The following MED13L variants were observed in gnomAD, a reference collection of about 807,000 sequenced individuals.
MED13L encodes mediator complex subunit 13L.
In MED13L, 7 loss-of-function variants were observed where a neutral mutation model predicts 220.9. That is an observed-to-expected ratio of 0.03 (90% CI 0.02 to 0.06). MED13L has a LOEUF of 0.06. Among genes scored for constraint, MED13L ranks in the 10% least tolerant of loss-of-function variants. The pLI is 1.00. For missense variants in MED13L, 1,965 were observed against 2,760.5 expected (o/e 0.71, Z 6.46); for synonymous variants, 1,011 against 1,015.2 (o/e 1.00, Z 0.08).
rs1428087689 is a variant in MED13L at position 116,104,097 on chromosome 12, G to A, written c.395+7331C>T. On this transcript the variant is annotated intron_variant, in intron 3 of 30. Transcript: ENST00000281928. ...ACGGTCTTGGCTCACTGCAACCTCCGCCTCCCAGGTTCAAGTGATTCTCCT... is the reference window on the plus strand; with the variant it reads ...ACGGTCTTGGCTCACTGCAACCTCCACCTCCCAGGTTCAAGTGATTCTCCT... 5.5e-5 allele frequency among the ~76,000 whole-genome samples: 7 copies of A among 127,934 alleles called. No individual in the cohort carries two copies. In the East Asian group the frequency reaches 1.1e-3, roughly 20 times the overall value. 83.9% of individuals were successfully genotyped at this position (127,934 alleles called of 152,430 possible).
chr12:116,066,593 A>C (rs777698615), intron 4 of MED13L, among the ~76,000 whole-genome samples: 1 of 152,126 alleles, frequency 6.6e-6, no homozygotes, highest in Admixed American at 6.6e-5. Context: ...AATCTAATAT[A>C]TACTTCTATA....
At chr12:115,965,086 T>G (rs1041148957) in intron 29 of MED13L, among the ~76,000 whole-genome samples, 6 of 152,246 alleles carry the variant, frequency 3.9e-5, no homozygotes, top group Non-Finnish European at 7.3e-5. Flanking sequence ...ATTGCTTCAC[T>G]GTCTAATAAG....
chr12:115,988,441 T>C (rs543169911), intron 17 of MED13L, among the ~76,000 whole-genome samples: 11 of 152,326 alleles, frequency 7.2e-5, no homozygotes, highest in Admixed American at 4.6e-4. Context: ...TTCCCTGCTG[T>C]CTGTCCTGAG....
At chr12:116,188,755 C>A (rs1008382162) in intron 2 of MED13L, among the ~76,000 whole-genome samples, 1 of 152,126 alleles carries the variant, frequency 6.6e-6, no homozygotes, top group East Asian at 1.9e-4. Context: ...CCCTCCTAAA[C>A]CCCGACAACT....
intron 4 of MED13L, among the ~76,000 whole-genome samples, chr12:116,066,545 C>T (rs1311963535): frequency 6.6e-6 from 1 of 152,108 alleles, no homozygotes; most frequent in Non-Finnish European, 1.5e-5. Flanking sequence ...AGCATTTTAT[C>T]TACTTTCAAT....
chr12:116,046,557 TAAAG>T (rs1337039208), intron 4 of MED13L, among the ~76,000 whole-genome samples: 2 of 152,214 alleles, frequency 1.3e-5, no homozygotes, highest in African/African-American at 4.8e-5. Flanking sequence ...TATAATTAAA[TAAAG>T]ATATTTGCTT....
chr12:116,191,531 T>C (rs935397770), intron 2 of MED13L, among the ~76,000 whole-genome samples: 24 of 152,052 alleles, frequency 1.6e-4, no homozygotes, highest in African/African-American at 5.8e-4. Context: ...GGTTTCACCA[T>C]GTTGGCCAGG....
chr12:116,141,413 CA>C (rs1877062535), intron 2 of MED13L, among the ~76,000 whole-genome samples: 1 of 151,994 alleles, frequency 6.6e-6, no homozygotes, highest in South Asian at 2.1e-4. Context: ...ATAAAATATA[CA>C]AAACGAACTG....
chr12:115,978,375 G>A (rs1295439825), intron 23 of MED13L, among the ~76,000 whole-genome samples: 1 of 143,026 alleles, frequency 7.0e-6, no homozygotes, highest in African/African-American at 2.7e-5. Flanking sequence ...CGCCGAGACT[G>A]GAGTGCAGTG....
chr12:115,963,549 C>CTT, intron 29 of MED13L, 30 bp from the exon 30 acceptor site: 8 of 1,515,754 alleles, frequency 5.3e-6, no homozygotes, highest in Non-Finnish European at 6.4e-6. Context: ...AGTTACCTCT[C>CTT]TGGTCTAGAC....
chr12:116,107,012 C>A (rs1366877709), intron 3 of MED13L, among the ~76,000 whole-genome samples: 3 of 152,232 alleles, frequency 2.0e-5, no homozygotes, highest in South Asian at 4.1e-4. Flanking sequence ...TGAGCTCTTA[C>A]AATGAGAAAG....
At chr12:116,258,157 T>C (rs773283588) in intron 1 of MED13L, among the ~76,000 whole-genome samples, 8 of 152,198 alleles carry the variant, frequency 5.3e-5, no homozygotes, top group Non-Finnish European at 1.2e-4. Flanking sequence ...TAAAAGAATT[T>C]AGATAGAAGA....
chr12:116,110,400 G>A (rs1437768211), intron 3 of MED13L: 4 of 150,944 alleles, frequency 2.6e-5, no homozygotes, highest in African/African-American at 7.4e-5. Context: ...GAAATAAAAT[G>A]CAAGAAAATG....
intron 2 of MED13L, among the ~76,000 whole-genome samples, chr12:116,204,789 T>C (rs1882212585): frequency 6.6e-6 from 1 of 152,256 alleles, no homozygotes; most frequent in African/African-American, 2.4e-5. Context: ...GATATAGAGA[T>C]ACTTAGGTAT....
At chr12:115,967,170 CAA>C (rs34377158) in intron 28 of MED13L, among the ~76,000 whole-genome samples, 195 of 45,192 alleles carry the variant, frequency 4.3e-3, no homozygotes, top group African/African-American at 0.018. Flanking sequence ...GACTCTGTCT[CAA>C]AAAAAAAAAA....
At chr12:116,072,743 G>C (rs1039276029) in intron 4 of MED13L, among the ~76,000 whole-genome samples, 8 of 152,212 alleles carry the variant, frequency 5.3e-5, no homozygotes, top group African/African-American at 1.9e-4. Context: ...TTAACTGAGA[G>C]GCAGTACAGA....
intron 2 of MED13L, among the ~76,000 whole-genome samples, chr12:116,179,912 G>GT (rs1234902765): frequency 6.6e-6 from 1 of 152,112 alleles, no homozygotes; most frequent in Admixed American, 6.5e-5. Context: ...AGGAGTGTAA[G>GT]TAACTACCTG....
chr12:116,204,486 A>G (rs928404800), intron 2 of MED13L, among the ~76,000 whole-genome samples: 1 of 152,136 alleles, frequency 6.6e-6, no homozygotes, highest in Non-Finnish European at 1.5e-5. Flanking sequence ...CAACAATCCT[A>G]TTTTTCAGCG....
intron 4 of MED13L, among the ~76,000 whole-genome samples, chr12:116,071,027 C>A (rs887756443): frequency 2.0e-5 from 3 of 152,040 alleles, no homozygotes; most frequent in African/African-American, 7.2e-5. Flanking sequence ...ATAAAATTTA[C>A]TATTATTTTC....
Sources: gnomAD v4.1 joint callset for allele counts (sites outside exome capture counted in the v4.1 genomes callset) on GRCh38, gnomAD v4.1.1 for gene constraint, MANE v1.5 for transcripts, NCBI Gene and HGNC (gene_info 2026-07-23, HGNC 2026-07-21) for gene names.